PIWIL2: variants seen among roughly 807,000 people sequenced by gnomAD.
The protein encoded by PIWIL2 is piwi-like protein 2.
PIWIL2 carries 81 observed loss-of-function variants against 116.5 expected under a neutral mutation model. That is an observed-to-expected ratio of 0.70 (90% confidence interval 0.58 to 0.84). The LOEUF (loss-of-function observed/expected upper bound fraction) is 0.84. PIWIL2 is among the 40% of genes least tolerant of loss of function. The pLI, the probability that PIWIL2 is intolerant of heterozygous loss-of-function variation, is 0.00. For synonymous variants in PIWIL2, 489 were observed against 429.5 expected (o/e 1.14, Z -1.71); for missense variants, 1,272 against 1,212.3 (o/e 1.05, Z -0.73).
Position 22,356,502 on chromosome 8 carries a change from C to T in PIWIL2, c.*997C>T, listed in dbSNP as rs538777575. The T allele has an allele frequency of 6.6e-6, 1 of 152,128 alleles. No individual in the cohort carries two copies. Among genetic ancestry groups the T allele is most frequent in the Non-Finnish European group, 1.5e-5 (1 of 68,020 alleles). The allele number at this position is 152,128 out of a possible 1,614,324, so 9.4% of individuals were successfully genotyped here. A position where few individuals can be genotyped will look rare whatever the true frequency, so the allele number is the denominator to read the frequency against. The stretch of plus-strand genomic sequence containing the variant: ...GATTTCTTCCCCAAATATACACATG[C>T]TCTTTTGCTCTTTGTGCCTGATCTT... On this transcript the variant is annotated 3_prime_UTR_variant, in exon 23 of 23. Coordinates refer to ENST00000356766, the MANE Select transcript of PIWIL2 (RefSeq NM_018068.5).
chr8:22,314,239 T>A, intron 16 of PIWIL2, 89 bp from the exon 17 acceptor site: 1 of 568,158 alleles, frequency 1.8e-6, no homozygotes, highest in Admixed American at 3.7e-5. Context: ...TCCTATGGCT[T>A]TGCATACTCA....
chr8:22,315,684 T>C (rs188409324), intron 18 of PIWIL2, among the ~76,000 whole-genome samples: 56 of 152,342 alleles, frequency 3.7e-4, no homozygotes, highest in African/African-American at 1.3e-3. Flanking sequence ...ATGAAAATTA[T>C]ATGAAGTGAG....
intron 20 of PIWIL2, among the ~76,000 whole-genome samples, chr8:22,327,303 A>C (rs1224555929): frequency 7.4e-6 from 1 of 135,840 alleles, no homozygotes; most frequent in Non-Finnish European, 1.6e-5. Context: ...TCCCAAAGTG[A>C]GGCACCACGC....
Position 22,290,249 on chromosome 8 carries a change from G to C in PIWIL2, c.1084G>C (p.Gly362Arg), listed in dbSNP as rs1563357001. The C allele has an allele frequency of 3.7e-6, 6 of 1,607,934 alleles. No individual in the cohort carries two copies. Among genetic ancestry groups the C allele is most frequent in the Non-Finnish European group, 5.1e-6 (6 of 1,174,766 alleles). Residue 362 changes from glycine (G) to arginine (R), a missense_variant, in exon 10 of 23, where the codon GGC (glycine) becomes CGC (arginine). Coordinates refer to ENST00000356766, the MANE Select transcript of PIWIL2 (RefSeq NM_018068.5). ...TCTCTCCAGATTGCAGATCTGGCCAGGCTATGCAGCTAGCATCCGAAGGAC... is the reference window on the plus strand; with the variant it reads ...TCTCTCCAGATTGCAGATCTGGCCACGCTATGCAGCTAGCATCCGAAGGAC... The part of the protein sequence containing the change: ...LQQHRLQIWP[G>R]YAASIRRTDG...
At chr8:22,299,504 A>G (rs1241171747) in intron 10 of PIWIL2, among the ~76,000 whole-genome samples, 2 of 152,108 alleles carry the variant, frequency 1.3e-5, no homozygotes, top group African/African-American at 4.8e-5. Context: ...CACCGCGCCC[A>G]GTCAATGATC....
chr8:22,321,892 G>A (rs1050834239), intron 20 of PIWIL2: 129 of 984,984 alleles, frequency 1.3e-4, no homozygotes, highest in Non-Finnish European at 1.5e-4. Context: ...AACAGTTGCC[G>A]CCTTACACAT....
intron 10 of PIWIL2, among the ~76,000 whole-genome samples, chr8:22,297,224 A>G (rs1454679695): frequency 4.6e-5 from 7 of 152,154 alleles, no homozygotes; most frequent in Non-Finnish European, 8.8e-5. Context: ...TCCTGGGCTC[A>G]AGTGATTCTC....
intron 13 of PIWIL2, among the ~76,000 whole-genome samples, chr8:22,306,594 ACT>A (rs199763607): frequency 1.3e-5 from 2 of 151,816 alleles, no homozygotes; most frequent in African/African-American, 4.8e-5. Context: ...GGCCCGCCAC[ACT>A]CTGTCTGGGG....
At chr8:22,287,257 G>A (rs747226183) in intron 6 of PIWIL2, among the ~76,000 whole-genome samples, 1 of 152,168 alleles carries the variant, frequency 6.6e-6, no homozygotes, top group Non-Finnish European at 1.5e-5. Flanking sequence ...AAAAACAAAT[G>A]TGTATATATG....
chr8:22,353,060 G>A lies in PIWIL2; in HGVS notation c.2505G>A (p.Lys835=). Reference sequence around the variant, plus strand: ...ACTATGAGATTCCTCAACTACAGAAGTGTTTTGAAGCTTTTGAGAATTATC... The same window carrying A: ...ACTATGAGATTCCTCAACTACAGAAATGTTTTGAAGCTTTTGAGAATTATC... The part of the protein sequence containing the change: ...VANYEIPQLQ[K]CFEAFENYQP... The change falls in exon 21 of 23, where the codon AAG becomes AAA. Residue 835 remains lysine, a synonymous_variant. Transcript: ENST00000356766. 1 of 1,614,206 alleles carries A rather than the reference G, an allele frequency of 6.2e-7. No homozygotes were observed. The highest frequency in any genetic ancestry group is 8.5e-7 in the Non-Finnish European group (1 of 1,180,024).
At chr8:22,296,976 C>CAA (rs1260431504) in intron 10 of PIWIL2, among the ~76,000 whole-genome samples, 1 of 151,892 alleles carries the variant, frequency 6.6e-6, no homozygotes, top group Non-Finnish European at 1.5e-5. Flanking sequence ...TTCTGGCTTA[C>CAA]ATTCTTTCCT....
chr8:22,345,537 A>T (rs1428101365), intron 20 of PIWIL2, among the ~76,000 whole-genome samples: 5 of 152,000 alleles, frequency 3.3e-5, no homozygotes. Flanking sequence ...GGTGGTGTGC[A>T]CCTGTAATCC....
At chr8:22,342,259 T>C (rs1455390148) in intron 20 of PIWIL2, among the ~76,000 whole-genome samples, 1 of 152,228 alleles carries the variant, frequency 6.6e-6, no homozygotes, top group African/African-American at 2.4e-5. Flanking sequence ...CTAGATTCAA[T>C]GCAATCTTAC....
chr8:22,335,008 T>C (rs1257455769), intron 20 of PIWIL2, among the ~76,000 whole-genome samples: 1 of 151,424 alleles, frequency 6.6e-6, no homozygotes, highest in African/African-American at 2.4e-5. Flanking sequence ...CGAGCCAACA[T>C]TGTGCCACTG....
rs149593761 is a variant in PIWIL2, at chr8:22,305,937, G to A, written c.1466G>A (p.Gly489Glu). ...RQDNHGMLLK[G>E]EILLLPELSF... is the part of the protein sequence containing the mutation. ...GTTCTCTCTTCAAAGCTGCTAAAAG[G>A]GGAAATCCTGCTGCTGCCTGAGCTT... The change falls in exon 13 of 23, where the codon GGG becomes GAG. Residue 489 changes from glycine to glutamate, a missense_variant. Transcript: ENST00000356766. 10 of 1,613,516 alleles carry A rather than the reference G, an allele frequency of 6.2e-6. No homozygotes were observed. In the African/African-American group the frequency reaches 6.7e-5, roughly 11 times the overall value.
chr8:22,289,275 C>T (rs138719591), intron 8 of PIWIL2, among the ~76,000 whole-genome samples: 17 of 151,836 alleles, frequency 1.1e-4, no homozygotes, highest in African/African-American at 3.9e-4. Context: ...GCCTCAGTCT[C>T]CTGAGTAGCT....
intron 20 of PIWIL2, among the ~76,000 whole-genome samples, chr8:22,344,182 TGTG>T (rs1054813823): frequency 9.9e-5 from 15 of 152,174 alleles, no homozygotes; most frequent in Admixed American, 5.9e-4. Context: ...AATGCATAAA[TGTG>T]GTGACAGTAA....
chr8:22,297,545 T>G (rs1563366374), intron 10 of PIWIL2, among the ~76,000 whole-genome samples: 1 of 151,572 alleles, frequency 6.6e-6, no homozygotes. Context: ...TGATTTCTGT[T>G]AAAAAAAAAT....
intron 16 of PIWIL2, among the ~76,000 whole-genome samples, chr8:22,313,425 CTA>C (rs1054950378): frequency 3.3e-5 from 5 of 152,162 alleles, no homozygotes; most frequent in African/African-American, 7.2e-5. Context: ...GTGTATCTTC[CTA>C]TGTTTAAATG....
Sources: allele counts gnomAD v4.1 joint callset (sites outside exome capture counted in the v4.1 genomes callset), GRCh38; gene constraint gnomAD v4.1.1; transcripts MANE v1.5; gene names NCBI Gene and HGNC (gene_info 2026-07-23, HGNC 2026-07-21).